CDH13: variants seen among roughly 807,000 people sequenced by gnomAD.
CDH13 encodes cadherin-13.
A neutral mutation model predicts 63.8 loss-of-function variants in CDH13; 24 were observed. The ratio of observed to expected loss-of-function variants is 0.38; its 90% CI spans 0.27 to 0.53. The LOEUF (loss-of-function observed/expected upper bound fraction) is 0.53, where lower values mean the gene tolerates loss of function less well. CDH13 is among the 20% of genes least tolerant of loss of function. CDH13 has a pLI of 0.85. For synonymous variants in CDH13, 503 were observed against 355.3 expected (o/e 1.42, Z -4.67); for missense variants, 1,049 against 903.1 (o/e 1.16, Z -2.07).
intron 1 of CDH13, among the ~76,000 whole-genome samples, chr16:82,633,491 G>T (rs1017246293): frequency 5.9e-5 from 9 of 152,196 alleles, no homozygotes; most frequent in African/African-American, 2.2e-4. Flanking sequence ...GCAATTCTGT[G>T]CCTCAGCCTC....
In CDH13 at chr16:83,216,397, AATATATATATATATATATAT is replaced by A. The variant is rs1158270310; in HGVS notation, c.484-920_484-901del. 9.4e-3 allele frequency among the ~76,000 whole-genome samples: 151 copies of A among 16,106 alleles called. 6 individuals carry two copies. Among genetic ancestry groups the A allele is most frequent in the African/African-American group, 0.018 (131 of 7,478 alleles). The allele number at this position is 16,106 out of a possible 152,430, so 10.6% of individuals were successfully genotyped here. Reference sequence around the variant, plus strand: ...TAATGTCCTCTGCCTCCAGCATTGAAATATATATATATATATATATATATATATATATATATATATATATA... The same window carrying A: ...TAATGTCCTCTGCCTCCAGCATTGAAATATATATATATATATATATATATA... On this transcript the variant is annotated intron_variant, in intron 4 of 13. Coordinates refer to ENST00000567109, the MANE Select transcript of CDH13 (RefSeq NM_001257.5).
chr16:83,256,674 CAAA>C (rs59651612), intron 5 of CDH13, among the ~76,000 whole-genome samples: 1 of 115,630 alleles, frequency 8.6e-6, no homozygotes, highest in Non-Finnish European at 1.7e-5. Flanking sequence ...TACTAAAATA[CAAA>C]AAAAAAAAAA....
chr16:83,485,585 T>G (rs1439827063), intron 6 of CDH13, among the ~76,000 whole-genome samples: 1 of 152,170 alleles, frequency 6.6e-6, no homozygotes, highest in African/African-American at 2.4e-5. Flanking sequence ...GCCTTTTTGC[T>G]CTGAGGTCCC....
intron 6 of CDH13, among the ~76,000 whole-genome samples, chr16:83,434,879 GTGTA>G (rs1598012701): frequency 1.7e-4 from 16 of 91,710 alleles, no homozygotes; most frequent in East Asian, 1.1e-3. Flanking sequence ...GTGTGTGTGT[GTGTA>G]TGTGTATTTA....
intron 7 of CDH13, among the ~76,000 whole-genome samples, chr16:83,598,976 T>A (rs1397911461): frequency 6.6e-6 from 1 of 152,194 alleles, no homozygotes; most frequent in East Asian, 1.9e-4. Flanking sequence ...CCTCATCGCA[T>A]GATGATAGGA....
chr16:83,072,072 C>T (rs551495503), intron 3 of CDH13, among the ~76,000 whole-genome samples: 287 of 152,156 alleles, frequency 1.9e-3, no homozygotes, highest in Middle Eastern at 3.4e-3. Context: ...TAACCCAGTG[C>T]ATGCAAATAT....
intron 10 of CDH13, among the ~76,000 whole-genome samples, chr16:83,717,574 G>T (rs1284182324): frequency 6.6e-6 from 1 of 152,256 alleles, no homozygotes; most frequent in Non-Finnish European, 1.5e-5. Flanking sequence ...TGAGCCAAGG[G>T]CTGACTCTTG....
At chr16:82,869,744 C>G (rs11644347) in intron 2 of CDH13, among the ~76,000 whole-genome samples, 18,290 of 152,108 alleles carry the variant, frequency 0.12, 1,155 homozygotes, top group Admixed American at 0.19. Flanking sequence ...ACAGTCTTTT[C>G]AATAAATGCT....
chr16:83,095,464 A>G (rs1476302214), intron 3 of CDH13, among the ~76,000 whole-genome samples: 1 of 152,234 alleles, frequency 6.6e-6, no homozygotes, highest in African/African-American at 2.4e-5. Flanking sequence ...AATCATACCT[A>G]TCCTCACCCT....
intron 4 of CDH13, 55 bp downstream of exon 4, chr16:83,125,556 C>A: frequency 1.1e-6 from 1 of 924,186 alleles, no homozygotes; most frequent in Non-Finnish European, 1.8e-6. Context: ...AAGATGAGCA[C>A]AGCAGACTGA....
intron 6 of CDH13, among the ~76,000 whole-genome samples, chr16:83,354,825 A>T (rs985458637): frequency 2.0e-5 from 3 of 152,224 alleles, no homozygotes; most frequent in African/African-American, 7.2e-5. Context: ...CATGGGCCAA[A>T]TGTGTCTCTC....
intron 10 of CDH13, among the ~76,000 whole-genome samples, chr16:83,693,739 G>T (rs1047751397): frequency 6.6e-6 from 1 of 152,144 alleles, no homozygotes; most frequent in Non-Finnish European, 1.5e-5. Flanking sequence ...GCTTGATTTT[G>T]CAATTTTTCT....
At chr16:83,367,867 A>G (rs1348903593) in intron 6 of CDH13, among the ~76,000 whole-genome samples, 6 of 152,340 alleles carry the variant, frequency 3.9e-5, no homozygotes, top group African/African-American at 1.4e-4. Flanking sequence ...TCTGTAGATC[A>G]ACTGGAAGAG....
At chr16:83,305,499 G>T (rs2089853597) in intron 5 of CDH13, among the ~76,000 whole-genome samples, 1 of 152,196 alleles carries the variant, frequency 6.6e-6, no homozygotes, top group Non-Finnish European at 1.5e-5. Context: ...GGCACTTTTG[G>T]AGGGTTTTGT....
rs572649264 is a variant in CDH13, at chr16:83,443,819, C to T, written c.782-42658C>T. On this transcript the variant is annotated intron_variant, in intron 6 of 13. Transcript: ENST00000567109. ...GCTTGGTGGCATGTGCCTGTAGTCCCAGCTACTCAGGAGGCTGAGGTGGGA... is the reference window on the plus strand; with the variant it reads ...GCTTGGTGGCATGTGCCTGTAGTCCTAGCTACTCAGGAGGCTGAGGTGGGA... 2.0e-4 allele frequency among the ~76,000 whole-genome samples: 28 copies of T among 143,312 alleles called. No homozygotes were observed. In the South Asian group the frequency reaches 6.1e-3, roughly 31 times the overall value. 94.0% of individuals were successfully genotyped at this position (143,312 alleles called of 152,430 possible). A position where few individuals can be genotyped will look rare whatever the true frequency, so the allele number is the denominator to read the frequency against.
intron 6 of CDH13, among the ~76,000 whole-genome samples, chr16:83,358,237 G>C (rs183384893): frequency 6.6e-6 from 1 of 152,266 alleles, no homozygotes; most frequent in Admixed American, 6.5e-5. Flanking sequence ...GTCTATGTTA[G>C]ACTTCTAGGA....
intron 5 of CDH13, among the ~76,000 whole-genome samples, chr16:83,284,844 C>T (rs941297913): frequency 1.3e-5 from 2 of 151,918 alleles, no homozygotes; most frequent in Non-Finnish European, 2.9e-5. Flanking sequence ...TTTCAGTATA[C>T]GTTGAAGGAA....
chr16:83,590,758 G>A (rs965823445), intron 7 of CDH13, among the ~76,000 whole-genome samples: 13 of 152,094 alleles, frequency 8.5e-5, no homozygotes, highest in East Asian at 1.9e-4. Context: ...AATGCTAACC[G>A]AAGTGTGCCC....
intron 6 of CDH13, among the ~76,000 whole-genome samples, chr16:83,476,456 C>G (rs753364113): frequency 6.6e-6 from 1 of 152,136 alleles, no homozygotes; most frequent in Non-Finnish European, 1.5e-5. Flanking sequence ...GCAGATCACT[C>G]GAGGTCGGGA....
Sources: allele counts gnomAD v4.1 joint callset (sites outside exome capture counted in the v4.1 genomes callset), GRCh38; gene constraint gnomAD v4.1.1; transcripts MANE v1.5; gene names NCBI Gene and HGNC (gene_info 2026-07-23, HGNC 2026-07-21).